The following GOLGA2 variants were observed in gnomAD, a reference collection of about 807,000 sequenced individuals.
GOLGA2 encodes golgin subfamily A member 2.
A neutral mutation model predicts 148.8 loss-of-function variants in GOLGA2; 49 were observed. That is an observed-to-expected ratio of 0.33 (90% confidence interval 0.26 to 0.42). The LOEUF is 0.42. Ranked by LOEUF, GOLGA2 falls within the 10% of genes least tolerant of loss-of-function variation. The pLI, the probability that GOLGA2 is intolerant of heterozygous loss-of-function variation, is 1.00. For synonymous variants in GOLGA2, 501 were observed against 511.8 expected, an observed-to-expected ratio of 0.98 and a Z score of 0.28; for missense variants, 1,178 against 1,304.6, an observed-to-expected ratio of 0.90 and a Z score of 1.49.
At chr9:128,273,492 T>G (rs1831085109) in intron 2 of GOLGA2, 1 of 422,542 alleles carries the variant, frequency 2.4e-6, no homozygotes, top group Non-Finnish European at 4.1e-6. Flanking sequence ...GCTGTTCTCA[T>G]TGGCCTGGCT....
rs376811210 is a variant in GOLGA2 at position 128,258,111 on chromosome 9, G to C, written c.2377C>G (p.Arg793Gly). 3.1e-6 allele frequency: 5 copies of C among 1,609,314 alleles called. No homozygotes were observed. Among genetic ancestry groups the C allele is most frequent in the Non-Finnish European group, 4.2e-6 (5 of 1,179,546 alleles). ...GAGGCCAGCAGGTGAGCCAGGCGCC[G>C]GCAGCGCACCCTTTGCTCCTTCAGC... ...GQLKEQRVRC[R>G]RLAHLLASAQ... Residue 793 changes from arginine (R) to glycine (G), a missense_variant, in exon 23 of 27, where the codon CGG becomes GGG. Arg to Gly is a moderately radical substitution (Grantham distance 125). This residue lies in a region of GOLGA2 where 529 missense variants were observed against 521.8 expected (regional missense o/e 1.01). Transcript: ENST00000611957. This position sits in a 1 kb window ranked among gnomAD's most constrained non-coding sequence, Gnocchi z 6.6.
Position 128,265,668 on chromosome 9 carries a change from G to T in GOLGA2, c.850C>A (p.Arg284Ser). The change falls in exon 12 of 27, where the codon CGC becomes AGC. Residue 284 changes from arginine (R) to serine (S), a missense_variant. Physicochemically the swap from Arg to Ser is moderately radical, Grantham distance 110 (BLOSUM62 -1). Coordinates refer to ENST00000611957, the MANE Select transcript of GOLGA2 (RefSeq NM_001366244.2). ...ACACGCCGCCGGGAATACTGCAGGC[G>T]GCTGGCCAGATCTTCAGACTCTCCT... ...KEGESEDLAS[R>S]LQYSRRRVGE... is the part of the protein sequence containing the mutation. The T allele has an allele frequency of 1.2e-6, 2 of 1,613,844 alleles. No homozygotes were observed. The highest frequency in any genetic ancestry group is 1.7e-6 in the Non-Finnish European group (2 of 1,179,926).
At chr9:128,275,396 C>A in intron 1 of GOLGA2, 1 of 1,288,608 alleles carries the variant, frequency 7.8e-7, no homozygotes, top group Non-Finnish European at 9.9e-7. Context: ...ACGTCCAAGT[C>A]GCCGCTCCGC....
intron 3 of GOLGA2, 120 bp from the exon 4 acceptor site, chr9:128,268,644 A>G (rs888039288): frequency 1.4e-5 from 9 of 644,526 alleles, no homozygotes; most frequent in Non-Finnish European, 2.3e-5. Flanking sequence ...ACAGTCACAC[A>G]TGCTAGGAGC....
chr9:128,257,232 C>G lies in GOLGA2; in HGVS notation c.2925G>C (p.Glu975Asp). The G allele has an allele frequency of 6.2e-7, 1 of 1,613,742 alleles. No individual in the cohort carries two copies. Among genetic ancestry groups the G allele is most frequent in the Non-Finnish European group, 8.5e-7 (1 of 1,179,966 alleles). Reference protein sequence around the residue: ...LAGSVEPAQGEAREGSPRDNP... With the variant: ...LAGSVEPAQGDAREGSPRDNP... ...TGTCACGGGGAGAACCCTCCCTGGC[C>G]TCTCCTTGGGCAGGCTCCACACTGC... Residue 975 changes from glutamate to aspartate, a missense_variant, in exon 27 of 27, where the codon GAG becomes GAC. Coordinates refer to ENST00000611957, the MANE Select transcript of GOLGA2 (RefSeq NM_001366244.2). This position sits in a 1 kb window ranked among gnomAD's most constrained non-coding sequence, Gnocchi z 8.0.
intron 19 of GOLGA2, among the ~76,000 whole-genome samples, chr9:128,259,766 A>G (rs1830135499): frequency 6.6e-6 from 1 of 152,214 alleles, no homozygotes; most frequent in Admixed American, 6.5e-5. Context: ...AAAGTAGTTG[A>G]ATGATGACCA....
At position 128,273,957 on chromosome 9, in the gene GOLGA2, GCTGATATT is replaced by G. The variant is rs768534288; in HGVS notation, c.92_99del (p.Glu31AlafsTer4). On this transcript the variant is annotated frameshift_variant, in exon 2 of 27. Coordinates refer to ENST00000611957, the MANE Select transcript of GOLGA2 (RefSeq NM_001366244.2). LOFTEE classifies it high-confidence loss of function. ...GTAGGAACACCAGGGCTATTCCTCT[GCTGATATT>G]CTCTCAACTGTGGAAAAGAAGAGCA... The G allele has an allele frequency of 6.2e-7, 1 of 1,612,650 alleles. No individual in the cohort carries two copies. The highest frequency in any genetic ancestry group is 8.5e-7 in the Non-Finnish European group (1 of 1,178,804).
At chr9:128,275,626 C>T in intron 1 of GOLGA2, 6 of 711,136 alleles carry the variant, frequency 8.4e-6, no homozygotes, top group Non-Finnish European at 1.3e-5. Context: ...GGAGGTCGGA[C>T]TTCGGGGGGC....
Position 128,267,288 on chromosome 9 carries a change from A to G in GOLGA2, c.562-14T>C. The G allele has an allele frequency of 6.3e-7, 1 of 1,579,304 alleles. No homozygotes were observed. The highest frequency in any genetic ancestry group is 8.7e-7 in the Non-Finnish European group (1 of 1,148,512). The stretch of plus-strand genomic sequence containing the variant: ...TTGGTACCGGCTCTGAGGCGCATGC[A>G]GAGAGGAGGAGTTGGAGGAGGATTG... On this transcript the variant is annotated splice_polypyrimidine_tract_variant and intron_variant, in intron 7 of 26. Transcript: ENST00000611957.
rs746173434 is a variant in GOLGA2, at chr9:128,267,969, G to C, written c.466C>G (p.Gln156Glu). Residue 156 changes from glutamine to glutamate, a missense_variant, in exon 6 of 27, where the codon CAA (glutamine) becomes GAA (glutamate). By Grantham distance (29) the Gln-to-Glu change is conservative. This residue lies in a region of GOLGA2 where 304 missense variants were observed against 404.1 expected (regional missense o/e 0.75). Transcript: ENST00000611957. ...KTFSSTESLRQLSQQLNGLVC... is the reference protein window; with the variant it reads ...KTFSSTESLRELSQQLNGLVC... ...AGACCATTGAGCTGTTGGGAGAGTT[G>C]TCGCAGGCTCTCGGTTGATGAGAAA... 6.2e-7 allele frequency: 1 copy of C among 1,613,882 alleles called. No homozygotes were observed. The highest frequency in any genetic ancestry group is 8.5e-7 in the Non-Finnish European group (1 of 1,179,846).
In GOLGA2 at chr9:128,257,127, G is replaced by A. The variant is rs1829915270; in HGVS notation, c.3030C>T (p.Pro1010=). The change falls in exon 27 of 27, where the codon CCC becomes CCT. Residue 1010 remains proline (P), a synonymous_variant. Transcript: ENST00000611957. This position sits in a 1 kb window ranked among gnomAD's most constrained non-coding sequence, Gnocchi z 8.0. Reference sequence around the variant, plus strand: ...CAGCCCGGTAAAAAAAAGGAATGCAGGGGTTGCTGCCCAAGCCTGGGCGCT... The same window carrying A: ...CAGCCCGGTAAAAAAAAGGAATGCAAGGGTTGCTGCCCAAGCCTGGGCGCT... The part of the protein sequence containing the change: ...PRERPGLGSN[P]CIPFFYRADE... 1.9e-6 allele frequency: 3 copies of A among 1,614,028 alleles called. No homozygotes were observed. The highest frequency in any genetic ancestry group is 2.5e-6 in the Non-Finnish European group (3 of 1,180,014).
rs1261941142 is a variant in GOLGA2, at chr9:128,273,919, C to A, written c.138G>T (p.Lys46Asn). The A allele has an allele frequency of 7.4e-6, 12 of 1,613,600 alleles. No homozygotes were observed. The highest frequency in any genetic ancestry group is 1.3e-5 in the African/African-American group (1 of 74,894). Reference sequence around the variant, plus strand: ...TACTGCCATTTTTTATTTTCTTCTTCTTTTTCGCTCCTGTAGGAACACCAG... The same window carrying A: ...TACTGCCATTTTTTATTTTCTTCTTATTTTTCGCTCCTGTAGGAACACCAG... ...NSPGVPTGAK[K>N]KKKIKNGSNP... Residue 46 changes from lysine (K) to asparagine (N), a missense_variant, in exon 2 of 27, where the codon AAG becomes AAT. Physicochemically the swap from Lys to Asn is moderately conservative, Grantham distance 94. Transcript: ENST00000611957.
At chr9:128,264,087 C>T (rs1172012905) in intron 12 of GOLGA2, among the ~76,000 whole-genome samples, 1 of 150,390 alleles carries the variant, frequency 6.6e-6, no homozygotes, top group African/African-American at 2.4e-5. Context: ...ATGGCATGAA[C>T]CCGGGAGACA....
intron 1 of GOLGA2, 70 bp downstream of exon 1, chr9:128,275,823 T>C (rs1250293517): frequency 7.4e-6 from 6 of 814,850 alleles, no homozygotes; most frequent in African/African-American, 3.6e-5. Context: ...TGGCAGAGAC[T>C]CTGGCCATGG....
At chr9:128,275,507 A>G in intron 1 of GOLGA2, 1 of 1,309,866 alleles carries the variant, frequency 7.6e-7, no homozygotes, top group Non-Finnish European at 9.8e-7. Context: ...GTGAGGGTCG[A>G]GTCTGGAGCG....
At chr9:128,262,467 G>C (rs1830331256) in intron 14 of GOLGA2, 96 bp downstream of exon 14, 1 of 1,241,084 alleles carries the variant, frequency 8.1e-7, no homozygotes, top group African/African-American at 1.5e-5. Context: ...AAATTTTCCA[G>C]CTCTTGGCTG....
chr9:128,266,839 G>A lies in GOLGA2; in HGVS notation c.642+355C>T. 2.5e-6 allele frequency: 1 copy of A among 402,274 alleles called. No homozygotes were observed. The highest frequency in any genetic ancestry group is 5.4e-5 in the East Asian group (1 of 18,500). 24.9% of individuals were successfully genotyped at this position (402,274 alleles called of 1,614,324 possible). On this transcript the variant is annotated intron_variant, in intron 8 of 26. Coordinates refer to ENST00000611957, the MANE Select transcript of GOLGA2 (RefSeq NM_001366244.2). This position sits in a 1 kb window ranked among gnomAD's most constrained non-coding sequence, Gnocchi z 4.2. ...TCAGGAAATGCAAGCCCAAGGAGGA[G>A]AGGTGGCTTGTCCCAAATCAAAGAG...
At position 128,259,311 on chromosome 9, in the gene GOLGA2, G is replaced by C; in HGVS notation, c.1953C>G (p.Ala651=). The change falls in exon 20 of 27, where the codon GCC becomes GCG. Residue 651 remains alanine, a synonymous_variant. Coordinates refer to ENST00000611957, the MANE Select transcript of GOLGA2 (RefSeq NM_001366244.2). ...TCTCAGAGGTCAGCTGCTGATAGGCGGCCACATACTGCTGCAGGTGTCCCA... is the reference window on the plus strand; with the variant it reads ...TCTCAGAGGTCAGCTGCTGATAGGCCGCCACATACTGCTGCAGGTGTCCCA... ...QYLGHLQQYV[A]AYQQLTSEKE... The C allele has an allele frequency of 6.2e-7, 1 of 1,611,092 alleles. No individual in the cohort carries two copies. The highest frequency in any genetic ancestry group is 8.5e-7 in the Non-Finnish European group (1 of 1,179,212).
In GOLGA2 at chr9:128,260,529, G is replaced by T; in HGVS notation, c.1694C>A (p.Ala565Glu). 1 of 1,613,430 alleles carries T rather than the reference G, an allele frequency of 6.2e-7. No individual in the cohort carries two copies. Among genetic ancestry groups the T allele is most frequent in the South Asian group, 1.1e-5 (1 of 91,086 alleles). ...MQNDRTTISR[A>E]LSQNRELKEQ... ...CTTGAGCTCCCGGTTCTGGGAGAGTGCGCGGCTGATGGTAGTGCGGTCGTT... is the reference window on the plus strand; with the variant it reads ...CTTGAGCTCCCGGTTCTGGGAGAGTTCGCGGCTGATGGTAGTGCGGTCGTT... The change falls in exon 18 of 27, where the codon GCA (alanine) becomes GAA (glutamate). Residue 565 changes from alanine (A) to glutamate (E), a missense_variant. Around this residue, in one of 5 missense-constraint regions of GOLGA2, gnomAD observed 529 missense variants for 521.8 expected, o/e 1.01. Transcript: ENST00000611957. The surrounding 1 kb of genome is among the most constrained non-coding windows in gnomAD (Gnocchi z 4.8).
Sources: allele counts gnomAD v4.1 joint callset (sites outside exome capture counted in the v4.1 genomes callset), GRCh38; gene constraint gnomAD v4.1.1; regional missense constraint gnomAD v4.1.1; non-coding constraint Gnocchi (gnomAD v3.1); transcripts MANE v1.5; gene names NCBI Gene and HGNC (gene_info 2026-07-23, HGNC 2026-07-21).